Variants in ROBO2 observed in about 807,000 individuals in gnomAD.
The protein encoded by ROBO2 is roundabout guidance receptor 2, also known as roundabout homolog 2.
Under a neutral mutation model 160.8 loss-of-function variants are expected in ROBO2, and 53 were observed. That is an observed-to-expected ratio of 0.33 (90% CI 0.26 to 0.41). The LOEUF (loss-of-function observed/expected upper bound fraction) is 0.41, where lower values mean the gene tolerates loss of function less well. Ranked by LOEUF, ROBO2 falls within the 10% of genes least tolerant of loss-of-function variation. The pLI is 1.00. For missense variants in ROBO2, 1,577 were observed against 1,722.4 expected, an observed-to-expected ratio of 0.92 and a Z score of 1.49; for synonymous variants, 664 against 611.7, an observed-to-expected ratio of 1.09 and a Z score of -1.26.
intron 2 of ROBO2, among the ~76,000 whole-genome samples, chr3:76,754,408 G>A (rs1207401619): frequency 6.6e-6 from 1 of 151,734 alleles, no homozygotes; most frequent in Non-Finnish European, 1.5e-5. Context: ...TGAAGCGGAG[G>A]GGCAGCATAA....
chr3:76,838,486 G>T (rs2067916391), intron 2 of ROBO2, among the ~76,000 whole-genome samples: 2 of 152,176 alleles, frequency 1.3e-5, no homozygotes, highest in East Asian at 3.9e-4. Context: ...TCGCATTGAG[G>T]TAGTGTGAAA....
At chr3:76,305,757 T>TA (rs200578430) in intron 2 of ROBO2, among the ~76,000 whole-genome samples, 49,552 of 144,030 alleles carry the variant, frequency 0.34, 8,242 homozygotes, top group Middle Eastern at 0.39. Context: ...GGACTCCATA[T>TA]AAAAAAAAAA....
chr3:76,567,463 T>G (rs1000031615), intron 2 of ROBO2, among the ~76,000 whole-genome samples: 1 of 151,384 alleles, frequency 6.6e-6, no homozygotes, highest in Non-Finnish European at 1.5e-5. Flanking sequence ...TAGCTCAACA[T>G]ATTTTTTTCC....
intron 2 of ROBO2, among the ~76,000 whole-genome samples, chr3:76,554,338 T>TA (rs1403710491): frequency 1.3e-5 from 2 of 152,214 alleles, no homozygotes; most frequent in African/African-American, 4.8e-5. Flanking sequence ...CAGGAGTAGA[T>TA]ATGAGGACAT....
At chr3:76,462,792 T>C (rs889768912) in intron 2 of ROBO2, among the ~76,000 whole-genome samples, 37 of 152,190 alleles carry the variant, frequency 2.4e-4, no homozygotes, top group Admixed American at 2.4e-3. Context: ...CTGTCGGTCA[T>C]TGTCAGAAGA....
At chr3:76,911,748 T>C (rs1346402948) in intron 2 of ROBO2, among the ~76,000 whole-genome samples, 1 of 152,134 alleles carries the variant, frequency 6.6e-6, no homozygotes, top group Non-Finnish European at 1.5e-5. Flanking sequence ...GCATAAAAGG[T>C]AGATATCAAA....
rs2079434213 is a variant in ROBO2 at position 76,958,450 on chromosome 3, C to T, written c.110-139564C>T. Among the ~76,000 whole-genome samples the T allele has an allele frequency of 5.3e-5, 8 of 152,362 alleles. No individual in the cohort carries two copies. In the South Asian group the frequency reaches 1.7e-3, roughly 32 times the overall value. Reference sequence around the variant, plus strand: ...TGCACTGAATGTACACATTTAAAATCCCCAATTGCAATGATGTAACTTTGC... The same window carrying T: ...TGCACTGAATGTACACATTTAAAATTCCCAATTGCAATGATGTAACTTTGC... On this transcript the variant is annotated intron_variant, in intron 2 of 26. Coordinates refer to the ROBO2 transcript ENST00000487694.
intron 2 of ROBO2, among the ~76,000 whole-genome samples, chr3:76,798,543 T>G (rs2063950070): frequency 6.6e-6 from 1 of 152,182 alleles, no homozygotes; most frequent in South Asian, 2.1e-4. Flanking sequence ...TTTCAACTGA[T>G]GCTGAAAACG....
chr3:77,301,942 A>G (rs761543014), intron 2 of ROBO2, among the ~76,000 whole-genome samples: 6 of 151,206 alleles, frequency 4.0e-5, no homozygotes, highest in Non-Finnish European at 8.8e-5. Context: ...TTACTCTGTC[A>G]CCCAGAGTGG....
intron 2 of ROBO2, among the ~76,000 whole-genome samples, chr3:77,225,693 C>A (rs976639943): frequency 3.3e-5 from 5 of 151,920 alleles, no homozygotes; most frequent in Admixed American, 6.6e-5. Flanking sequence ...CAATTCTATG[C>A]ATATTCACTG....
chr3:77,382,032 C>T (rs2073545045), intron 2 of ROBO2, among the ~76,000 whole-genome samples: 3 of 152,024 alleles, frequency 2.0e-5, no homozygotes, highest in Admixed American at 2.0e-4. Context: ...CTAAGTTTGT[C>T]CTTGATGTTT....
chr3:76,329,177 G>A (rs1034297453), intron 2 of ROBO2, among the ~76,000 whole-genome samples: 1 of 152,056 alleles, frequency 6.6e-6, no homozygotes, highest in African/African-American at 2.4e-5. Context: ...ACAAGGTCAG[G>A]CGGCGCTACT....
intron 2 of ROBO2, among the ~76,000 whole-genome samples, chr3:76,047,604 C>G (rs1559865393): frequency 6.6e-6 from 1 of 152,096 alleles, no homozygotes; most frequent in East Asian, 1.9e-4. Flanking sequence ...TGATGACAAG[C>G]CTCAGCGATA....
chr3:76,041,957 T>G (rs755471585), intron 2 of ROBO2, among the ~76,000 whole-genome samples: 1 of 150,510 alleles, frequency 6.6e-6, no homozygotes, highest in Admixed American at 6.6e-5. Flanking sequence ...ACCAGGCATG[T>G]GTGTTTGTGT....
At chr3:76,463,630 A>G (rs1001224405) in intron 2 of ROBO2, among the ~76,000 whole-genome samples, 1 of 152,052 alleles carries the variant, frequency 6.6e-6, no homozygotes, top group Non-Finnish European at 1.5e-5. Flanking sequence ...ATTTATAGTT[A>G]CCACCTGGTA....
At position 77,003,365 on chromosome 3, in the gene ROBO2, T is replaced by C. The variant is rs139572612; in HGVS notation, c.110-94649T>C. 5.1e-3 allele frequency among the ~76,000 whole-genome samples: 770 copies of C among 152,320 alleles called. 11 individuals are homozygous for C. The highest frequency in any genetic ancestry group is 0.017 in the African/African-American group (699 of 41,566). On this transcript the variant is annotated intron_variant, in intron 2 of 26. Transcript: ENST00000487694. ...TACTTTAGTGATATTACCTAGCTCA[T>C]AGTGCTGTGAGGCTAAAGAAGATAG...
Position 76,834,062 on chromosome 3 carries a change from T to TTTCCTTTCTTTCTTTC in ROBO2, c.110-263950_110-263949insCCTTTCTTTCTTTCTT, listed in dbSNP as rs368797764. ...TTCCTTTCTTTCTCTCCTTTCTTTC[T>TTTCCTTTCTTTCTTTC]TTTCTTTCTTTCTTTCTTTCTTTCT... On this transcript the variant is annotated intron_variant, in intron 2 of 26. Transcript: ENST00000487694. Among the ~76,000 whole-genome samples, 27 of 88,012 alleles carry TTTCCTTTCTTTCTTTC rather than the reference T, an allele frequency of 3.1e-4. 2 individuals carry two copies. Among genetic ancestry groups the TTTCCTTTCTTTCTTTC allele is most frequent in the African/African-American group, 5.9e-4 (13 of 22,024 alleles). The allele number at this position is 88,012 out of a possible 152,430, so 57.7% of individuals were successfully genotyped here.
At chr3:76,982,534 A>C (rs2060149698) in intron 2 of ROBO2, among the ~76,000 whole-genome samples, 1 of 152,276 alleles carries the variant, frequency 6.6e-6, no homozygotes, top group Non-Finnish European at 1.5e-5. Flanking sequence ...CTTGTTTTTC[A>C]AGATTGTTTT....
intron 9 of ROBO2, 110 bp downstream of exon 10, chr3:77,558,259 G>A (rs1480245808): frequency 1.6e-5 from 14 of 872,932 alleles, no homozygotes; most frequent in South Asian, 8.3e-5. Flanking sequence ...ATTGCTGCAC[G>A]TTTAAAAACA....
Sources: allele counts gnomAD v4.1 joint callset (sites outside exome capture counted in the v4.1 genomes callset), GRCh38; gene constraint gnomAD v4.1.1; transcripts MANE v1.5; gene names NCBI Gene and HGNC (gene_info 2026-07-23, HGNC 2026-07-21).